PHF21A: variants seen among roughly 807,000 people sequenced by gnomAD.
PHF21A encodes the protein PHD finger protein 21A, also known as BHC80a.
In PHF21A, 11 loss-of-function variants were observed where a neutral mutation model predicts 82.5. That is an observed-to-expected ratio of 0.13 (90% confidence interval 0.08 to 0.22). The LOEUF (loss-of-function observed/expected upper bound fraction) is 0.22, where lower values mean the gene tolerates loss of function less well. Among genes scored for constraint, PHF21A ranks in the 10% least tolerant of loss-of-function variants. The pLI is 1.00. For synonymous variants in PHF21A, 297 were observed against 302.8 expected (o/e 0.98, Z 0.20); for missense variants, 579 against 837.8 (o/e 0.69, Z 3.81).
chr11:46,098,283 C>G (rs1204266181), intron 1 of PHF21A, among the ~76,000 whole-genome samples: 1 of 152,078 alleles, frequency 6.6e-6, no homozygotes, highest in Non-Finnish European at 1.5e-5. Flanking sequence ...ATTACTTGAC[C>G]AGTGGTTGTA....
chr11:46,095,485 A>G (rs1012565804), intron 1 of PHF21A, among the ~76,000 whole-genome samples: 5 of 152,150 alleles, frequency 3.3e-5, no homozygotes, highest in African/African-American at 1.2e-4. Context: ...AGTAAATGAA[A>G]TTATTTTTGC....
At chr11:46,080,944 G>GT (rs1290749718) in intron 4 of PHF21A, among the ~76,000 whole-genome samples, 2 of 152,046 alleles carry the variant, frequency 1.3e-5, no homozygotes, top group African/African-American at 4.8e-5. Context: ...GATTACAGGC[G>GT]TAAGCCACCA....
At chr11:46,120,520 T>C (rs1303709392) in intron 1 of PHF21A, 2 of 150,896 alleles carry the variant, frequency 1.3e-5, no homozygotes, top group African/African-American at 2.4e-5. Flanking sequence ...AGGCTGCTCA[T>C]AAACTTACTT....
At chr11:46,076,916 C>T in intron 5 of PHF21A, 97 bp from the exon 6 acceptor site, 1 of 906,670 alleles carries the variant, frequency 1.1e-6, no homozygotes, top group East Asian at 2.5e-5. Flanking sequence ...AATGATGAAG[C>T]AACCCGAAGC....
chr11:46,034,041 A>C (rs2095928247), intron 6 of PHF21A, among the ~76,000 whole-genome samples: 1 of 152,206 alleles, frequency 6.6e-6, no homozygotes, highest in African/African-American at 2.4e-5. Context: ...TGGATATTTT[A>C]ATTTTTGCCA....
chr11:46,114,344 G>T (rs897724483), intron 1 of PHF21A, among the ~76,000 whole-genome samples: 1 of 152,190 alleles, frequency 6.6e-6, no homozygotes, highest in African/African-American at 2.4e-5. Context: ...AGAACTAAGT[G>T]CAATCTGCAT....
chr11:46,034,502 A>G (rs1462322085), intron 6 of PHF21A, among the ~76,000 whole-genome samples: 1 of 152,214 alleles, frequency 6.6e-6, no homozygotes, highest in Non-Finnish European at 1.5e-5. Context: ...AGATAAAAAG[A>G]ACAAAAAAAC....
intron 15 of PHF21A, among the ~76,000 whole-genome samples, chr11:45,943,552 A>G (rs2090771880): frequency 6.6e-6 from 1 of 152,138 alleles, no homozygotes; most frequent in Admixed American, 6.5e-5. Flanking sequence ...TATTTTCCCT[A>G]TAGGCCCTTT....
intron 6 of PHF21A, among the ~76,000 whole-genome samples, chr11:46,038,375 G>C (rs1343738764): frequency 6.6e-6 from 1 of 152,048 alleles, no homozygotes; most frequent in Non-Finnish European, 1.5e-5. Context: ...TGATCCACCC[G>C]CCTCAGCCTC....
rs768910111 is a variant in PHF21A at position 46,116,377 on chromosome 11, A to G, written c.-237+4558T>C. ...TAAGAATTTTTCAGAAAGTTAGCAG[A>G]GTCAGTCAAAACATTCAAAACTTGA... On this transcript the variant is annotated intron_variant, in intron 1 of 18. Transcript: ENST00000676320. Among the ~76,000 whole-genome samples the G allele has an allele frequency of 8.0e-4, 122 of 152,338 alleles. 1 individual carries two copies. The highest frequency in any genetic ancestry group is 1.6e-3 in the Non-Finnish European group (111 of 68,028).
At chr11:46,015,895 CATCT>C (rs35580116) in intron 6 of PHF21A, among the ~76,000 whole-genome samples, 14,066 of 149,516 alleles carry the variant, frequency 0.094, 1,390 homozygotes, top group African/African-American at 0.25. Context: ...GTTTTACAGT[CATCT>C]ATCTATCTAT....
intron 7 of PHF21A, among the ~76,000 whole-genome samples, chr11:45,974,610 CA>C (rs1466656546): frequency 3.3e-5 from 4 of 119,932 alleles, no homozygotes; most frequent in African/African-American, 1.0e-4. Flanking sequence ...GGTGCTACCA[CA>C]CCTGGCTAAT....
At chr11:45,965,222 A>G (rs2093360704) in intron 10 of PHF21A, 93 bp downstream of exon 10, 2 of 1,011,524 alleles carry the variant, frequency 2.0e-6, no homozygotes, top group Non-Finnish European at 2.9e-6. Context: ...TGAGATGAAG[A>G]GCCCTTGAGA....
intron 1 of PHF21A, among the ~76,000 whole-genome samples, chr11:46,113,716 C>T (rs1326708207): frequency 2.0e-5 from 3 of 151,612 alleles, no homozygotes; most frequent in Non-Finnish European, 4.4e-5. Flanking sequence ...GTCCCAGCTA[C>T]TCAGGAGGCT....
At chr11:46,057,669 AAGTGCAAAAGGTACT>A (rs2096479526) in intron 6 of PHF21A, among the ~76,000 whole-genome samples, 1 of 152,180 alleles carries the variant, frequency 6.6e-6, no homozygotes, top group East Asian at 1.9e-4. Context: ...GAGGTCTCAC[AAGTGCAAAAGGTACT>A]AGGCTGTTCT....
At chr11:45,936,622 T>C (rs2089125830) in intron 16 of PHF21A, 53 bp from the exon 17 acceptor site, 1 of 1,140,248 alleles carries the variant, frequency 8.8e-7, no homozygotes, top group African/African-American at 1.5e-5. Flanking sequence ...ACACACATCC[T>C]CTATGTAACA....
intron 6 of PHF21A, among the ~76,000 whole-genome samples, chr11:46,035,572 T>C (rs1168391975): frequency 6.6e-6 from 1 of 152,144 alleles, no homozygotes; most frequent in Non-Finnish European, 1.5e-5. Context: ...TGATAAAATA[T>C]AATGAGTGTT....
chr11:45,994,991 A>G (rs1474797449), intron 6 of PHF21A, among the ~76,000 whole-genome samples: 1 of 152,256 alleles, frequency 6.6e-6, no homozygotes, highest in Non-Finnish European at 1.5e-5. Flanking sequence ...AGAAATGTGT[A>G]TAATCTCTGT....
intron 3 of PHF21A, among the ~76,000 whole-genome samples, chr11:46,090,215 G>C (rs1288862402): frequency 6.6e-6 from 1 of 152,068 alleles, no homozygotes; most frequent in Non-Finnish European, 1.5e-5. Context: ...AGAACTAGTT[G>C]TCACATTTAC....
Sources: allele counts gnomAD v4.1 joint callset (sites outside exome capture counted in the v4.1 genomes callset), GRCh38; gene constraint gnomAD v4.1.1; transcripts MANE v1.5; gene names NCBI Gene and HGNC (gene_info 2026-07-23, HGNC 2026-07-21).